The following VPS13B variants were observed in gnomAD, a reference collection of about 807,000 sequenced individuals.
The protein encoded by VPS13B is intermembrane lipid transfer protein VPS13B.
In VPS13B, 285 loss-of-function variants were observed where a neutral mutation model predicts 426.4. The ratio of observed to expected loss-of-function variants is 0.67; its 90% CI spans 0.61 to 0.74. The LOEUF (loss-of-function observed/expected upper bound fraction) is 0.74, where lower values mean the gene tolerates loss of function less well. VPS13B is among the 30% of genes least tolerant of loss of function. The pLI, the probability that VPS13B is intolerant of heterozygous loss-of-function variation, is 0.00. For synonymous variants in VPS13B, 1,676 were observed against 1,676.4 expected, an observed-to-expected ratio of 1.00 and a Z score of 0.01; for missense variants, 4,537 against 4,782.6, an observed-to-expected ratio of 0.95 and a Z score of 1.51.
At chr8:99,192,842 A>G in intron 16 of VPS13B, 34 bp from the exon 17 acceptor site, 1 of 1,608,542 alleles carries the variant, frequency 6.2e-7, no homozygotes, top group Non-Finnish European at 8.5e-7. Context: ...AATGCTATTT[A>G]CTGTATTGCG....
At chr8:99,679,319 T>G (rs771080256) in intron 35 of VPS13B, among the ~76,000 whole-genome samples, 5 of 152,100 alleles carry the variant, frequency 3.3e-5, no homozygotes, top group Admixed American at 1.3e-4. Context: ...GATACAAAAT[T>G]GTTGGAGTAG....
chr8:99,761,823 A>AT (rs1810943960), intron 39 of VPS13B, among the ~76,000 whole-genome samples: 1 of 151,908 alleles, frequency 6.6e-6, no homozygotes, highest in Non-Finnish European at 1.5e-5. Context: ...ACATTCTTTA[A>AT]TTTTTTATTT....
intron 44 of VPS13B, among the ~76,000 whole-genome samples, chr8:99,813,511 A>T (rs1310557827): frequency 6.6e-6 from 1 of 152,270 alleles, no homozygotes; most frequent in South Asian, 2.1e-4. Flanking sequence ...CTATGGCATC[A>T]TAAGACTTAT....
chr8:99,102,304 T>G (rs1015187127), intron 4 of VPS13B, among the ~76,000 whole-genome samples: 9 of 152,172 alleles, frequency 5.9e-5, no homozygotes, highest in Admixed American at 3.9e-4. Flanking sequence ...TTTTTCTGTC[T>G]TCTTCATGGT....
intron 36 of VPS13B, among the ~76,000 whole-genome samples, chr8:99,705,511 T>C (rs1832464402): frequency 6.6e-6 from 1 of 152,132 alleles, no homozygotes; most frequent in Non-Finnish European, 1.5e-5. Flanking sequence ...AGAAAAGATT[T>C]TTTTGACACC....
At chr8:99,827,036 T>A (rs927737261) in intron 51 of VPS13B, among the ~76,000 whole-genome samples, 8 of 152,214 alleles carry the variant, frequency 5.3e-5, no homozygotes, top group African/African-American at 1.7e-4. Flanking sequence ...ATTTTCTTTT[T>A]TTGTTGTGTC....
At chr8:99,487,928 T>G (rs1405852510) in intron 25 of VPS13B, among the ~76,000 whole-genome samples, 1 of 152,198 alleles carries the variant, frequency 6.6e-6, no homozygotes, top group African/African-American at 2.4e-5. Context: ...CAAGGGTTGA[T>G]GAATTTTTAA....
At chr8:99,736,303 T>A (rs1393210138) in intron 39 of VPS13B, among the ~76,000 whole-genome samples, 1 of 152,184 alleles carries the variant, frequency 6.6e-6, no homozygotes, top group Non-Finnish European at 1.5e-5. Flanking sequence ...CTGGGCGCGG[T>A]GGCTCTCGCC....
intron 34 of VPS13B, among the ~76,000 whole-genome samples, chr8:99,648,095 G>C (rs1440830890): frequency 2.6e-5 from 4 of 152,074 alleles, no homozygotes; most frequent in South Asian, 2.1e-4. Context: ...TATTCCTATT[G>C]TGCTTTCATT....
At position 99,556,663 on chromosome 8, in the gene VPS13B, G is replaced by T. The variant is rs1824585165; in HGVS notation, c.4949+10G>T. 1 of 1,611,784 alleles carries T rather than the reference G, an allele frequency of 6.2e-7. No individual in the cohort carries two copies. Among genetic ancestry groups the T allele is most frequent in the Admixed American group, 1.7e-5 (1 of 59,722 alleles). On this transcript the variant is annotated intron_variant, in intron 31 of 61. Transcript: ENST00000357162. Reference sequence around the variant, plus strand: ...GGAATATGGCCAGCAGGTAGGAAATGATTGAGAAACTTTCTACTCTTTCTA... The same window carrying T: ...GGAATATGGCCAGCAGGTAGGAAATTATTGAGAAACTTTCTACTCTTTCTA...
intron 43 of VPS13B, among the ~76,000 whole-genome samples, chr8:99,791,943 G>A (rs1812559877): frequency 6.6e-6 from 1 of 152,086 alleles, no homozygotes; most frequent in Non-Finnish European, 1.5e-5. Context: ...TAGGCTGCTA[G>A]AGTGTGAAGA....
chr8:99,358,961 C>A (rs1377774243), intron 19 of VPS13B, among the ~76,000 whole-genome samples: 1 of 152,108 alleles, frequency 6.6e-6, no homozygotes, highest in Non-Finnish European at 1.5e-5. Context: ...TTAAGTGTTT[C>A]AGATTCTTAG....
chr8:99,810,685 A>G (rs1394624687), intron 44 of VPS13B, among the ~76,000 whole-genome samples: 1 of 152,228 alleles, frequency 6.6e-6, no homozygotes, highest in African/African-American at 2.4e-5. Flanking sequence ...AAAATGGAAA[A>G]CACCAAGTAT....
At chr8:99,641,763 A>T in intron 33 of VPS13B, 48 bp from the exon 34 acceptor site, 1 of 1,541,712 alleles carries the variant, frequency 6.5e-7, no homozygotes, top group African/African-American at 1.4e-5. Context: ...TTTATATGAC[A>T]CTTGGCATGT....
At chr8:99,799,404 A>G (rs1364162951) in intron 43 of VPS13B, among the ~76,000 whole-genome samples, 2 of 152,220 alleles carry the variant, frequency 1.3e-5, no homozygotes, top group Non-Finnish European at 2.9e-5. Context: ...CTTAGATACC[A>G]CATTCCCTTA....
intron 31 of VPS13B, among the ~76,000 whole-genome samples, chr8:99,570,701 G>A (rs983548013): frequency 1.3e-5 from 2 of 151,732 alleles, no homozygotes; most frequent in South Asian, 2.1e-4. Context: ...TTTTCCTCTT[G>A]CTAATAAGGA....
chr8:99,535,826 T>C (rs1362620347), intron 30 of VPS13B, among the ~76,000 whole-genome samples: 10 of 152,216 alleles, frequency 6.6e-5, no homozygotes, highest in Non-Finnish European at 1.5e-4. Flanking sequence ...CTAACTGTTA[T>C]TATCAATGTT....
At chr8:99,644,185 C>G (rs1203261808) in intron 34 of VPS13B, among the ~76,000 whole-genome samples, 1 of 152,154 alleles carries the variant, frequency 6.6e-6, no homozygotes, top group Non-Finnish European at 1.5e-5. Flanking sequence ...TTGCTTACTT[C>G]AAGCCCAACC....
intron 35 of VPS13B, among the ~76,000 whole-genome samples, chr8:99,678,486 ACT>A (rs1222365331): frequency 6.6e-6 from 1 of 150,776 alleles, no homozygotes; most frequent in Non-Finnish European, 1.5e-5. Context: ...TCCAGTCAAA[ACT>A]CTCCTCAGCC....
Sources: gnomAD v4.1 joint callset for allele counts (sites outside exome capture counted in the v4.1 genomes callset) on GRCh38, gnomAD v4.1.1 for gene constraint, MANE v1.5 for transcripts, NCBI Gene and HGNC (gene_info 2026-07-23, HGNC 2026-07-21) for gene names.